The following MYH11 variants were observed in gnomAD, a reference collection of about 807,000 sequenced individuals.
The protein encoded by MYH11 is myosin heavy chain 11, also known as myosin-11.
A neutral mutation model predicts 246.6 loss-of-function variants in MYH11; 80 were observed. The ratio of observed to expected loss-of-function variants is 0.32; its 90% confidence interval spans 0.27 to 0.39. The LOEUF (loss-of-function observed/expected upper bound fraction) is 0.39. Among genes scored for constraint, MYH11 ranks in the 10% least tolerant of loss-of-function variants. The pLI is 1.00. For missense variants in MYH11, 2,158 were observed against 2,546.8 expected (o/e 0.85, Z 3.29); for synonymous variants, 1,071 against 1,015.5 (o/e 1.05, Z -1.04).
intron 40 of MYH11, among the ~76,000 whole-genome samples, chr16:15,706,310 C>G (rs2039451491): frequency 6.6e-6 from 1 of 152,136 alleles, no homozygotes; most frequent in South Asian, 2.1e-4. Flanking sequence ...GCGCTTGACT[C>G]AGAAGGATGC....
intron 9 of MYH11, among the ~76,000 whole-genome samples, chr16:15,765,695 C>A (rs1267610627): frequency 6.6e-6 from 1 of 152,168 alleles, no homozygotes; most frequent in Middle Eastern, 3.2e-3. Context: ...CCTGGCCCAG[C>A]TCAGCAAAAG....
intron 17 of MYH11, 25 bp from the exon 18 acceptor site, chr16:15,747,968 C>T (rs766824341): frequency 6.2e-7 from 1 of 1,614,148 alleles, no homozygotes; most frequent in Non-Finnish European, 8.5e-7. Context: ...CAGAAGTCAC[C>T]CCGGGTACCT....
rs532859283 is a variant in MYH11 at position 15,793,869 on chromosome 16, C to T, written c.530+4791G>A. Among the ~76,000 whole-genome samples the T allele has an allele frequency of 1.4e-4, 21 of 147,626 alleles. No individual in the cohort carries two copies. The East Asian group carries it at 1.6e-3, about 11-fold the overall frequency. On this transcript the variant is annotated intron_variant, in intron 4 of 40. Coordinates refer to ENST00000300036, the MANE Select transcript of MYH11 (RefSeq NM_002474.3). ...CGAACTCCTGACCTCGTGATCCACC[C>T]GCCTCGGCCTCCCAAAGTGCTGGGA...
chr16:15,751,158 T>C (rs4781684), intron 15 of MYH11, among the ~76,000 whole-genome samples: 53,209 of 143,758 alleles, frequency 0.37, 9,893 homozygotes, highest in East Asian at 0.57. Context: ...TTATTATTAT[T>C]ATCATTATTT....
intron 27 of MYH11, among the ~76,000 whole-genome samples, chr16:15,730,228 TC>T (rs2040919410): frequency 6.6e-6 from 1 of 151,868 alleles, no homozygotes; most frequent in African/African-American, 2.4e-5. Context: ...AAACCTCTCT[TC>T]TTTAGAAATT....
At chr16:15,840,317 G>C (rs1207158298) in intron 1 of MYH11, among the ~76,000 whole-genome samples, 1 of 152,172 alleles carries the variant, frequency 6.6e-6, no homozygotes, top group Non-Finnish European at 1.5e-5. Context: ...CCAACACAAA[G>C]AGATGATAAA....
rs1486891893 is a variant in MYH11 at position 15,750,322 on chromosome 16, A to T, written c.1874T>A (p.Ile625Asn). 6.2e-7 allele frequency: 1 copy of T among 1,603,488 alleles called. No individual in the cohort carries two copies. Among genetic ancestry groups the T allele is most frequent in the Non-Finnish European group, 8.5e-7 (1 of 1,175,932 alleles). The change falls in exon 16 of 41, where the codon ATC (isoleucine) becomes AAC (asparagine). Residue 625 changes from isoleucine (I) to asparagine (N), a missense_variant. Ile to Asn is a moderately radical substitution (Grantham distance 149). Coordinates refer to ENST00000300036, the MANE Select transcript of MYH11 (RefSeq NM_002474.3). This position sits in a 1 kb window ranked among gnomAD's most constrained non-coding sequence, Gnocchi z 4.3. ...CTTGGCCATCTGGTCCAGGCCCACGATGCGGTCCACTATGGGGCACAGCCA... is the reference window on the plus strand; with the variant it reads ...CTTGGCCATCTGGTCCAGGCCCACGTTGCGGTCCACTATGGGGCACAGCCA... ...VADLWKDVDR[I>N]VGLDQMAKMT...
intron 2 of MYH11, among the ~76,000 whole-genome samples, chr16:15,832,468 G>A (rs957232617): frequency 6.6e-6 from 1 of 152,170 alleles, no homozygotes; most frequent in Non-Finnish European, 1.5e-5. Context: ...GGAGTGGTGA[G>A]GTCTGCGGAA....
intron 10 of MYH11, 37 bp downstream of exon 10, chr16:15,763,759 C>CCCCCACAA: frequency 1.7e-6 from 2 of 1,151,256 alleles, no homozygotes; most frequent in Non-Finnish European, 2.6e-6. Flanking sequence ...CCCCCCAACC[C>CCCCCACAA]CAAAGTCATT....
chr16:15,719,268 A>T lies in MYH11; in HGVS notation c.5123T>A (p.Leu1708His), dbSNP rs2040337321. Residue 1708 changes from leucine (L) to histidine (H), a missense_variant, in exon 36 of 41, where the codon CTC (leucine) becomes CAC (histidine). Physicochemically the swap from Leu to His is moderately conservative, Grantham distance 99. Coordinates refer to ENST00000300036, the MANE Select transcript of MYH11 (RefSeq NM_002474.3). ...AAERARKQAD[L>H]EKEELAEELA... Reference sequence around the variant, plus strand: ...CTCCTCTGCCAGTTCCTCCTTCTCGAGGTCCGCTTGTTTGCGAGCCCTCTC... The same window carrying T: ...CTCCTCTGCCAGTTCCTCCTTCTCGTGGTCCGCTTGTTTGCGAGCCCTCTC... 2 of 1,613,178 alleles carry T rather than the reference A, an allele frequency of 1.2e-6. No homozygotes were observed. Among genetic ancestry groups the T allele is most frequent in the South Asian group, 1.1e-5 (1 of 91,078 alleles).
intron 28 of MYH11, chr16:15,725,641 GC>G: frequency 2.5e-6 from 1 of 400,116 alleles, no homozygotes. Flanking sequence ...TATGAGGGCG[GC>G]AAAAGCCCTG....
intron 3 of MYH11, among the ~76,000 whole-genome samples, chr16:15,801,210 A>G (rs1309331060): frequency 6.6e-6 from 1 of 152,196 alleles, no homozygotes; most frequent in African/African-American, 2.4e-5. Context: ...TGTTTCAAAA[A>G]CAAATAAGAT....
chr16:15,707,943 G>A (rs1450628352), intron 40 of MYH11, among the ~76,000 whole-genome samples: 1 of 134,394 alleles, frequency 7.4e-6, no homozygotes, highest in Non-Finnish European at 1.5e-5. Context: ...TTGCACTCCA[G>A]AGCGAGACTC....
chr16:15,727,022 C>T lies in MYH11; in HGVS notation c.3684G>A (p.Thr1228=), dbSNP rs370483512. The T allele has an allele frequency of 3.3e-5, 53 of 1,611,862 alleles. No homozygotes were observed. The highest frequency in any genetic ancestry group is 1.6e-4 in the Middle Eastern group (1 of 6,082). The change falls in exon 28 of 41, where the codon ACG becomes ACA. Residue 1228 remains threonine, a synonymous_variant. Coordinates refer to ENST00000300036, the MANE Select transcript of MYH11 (RefSeq NM_002474.3). ...AKANLDKNKQ[T]LEKENADLAG... is the part of the protein sequence containing the mutation. ...CCAGGTCTGCGTTCTCTTTCTCCAG[C>T]GTCTGCTTATTCTTGTCTAGGTTCG...
intron 9 of MYH11, among the ~76,000 whole-genome samples, chr16:15,767,895 G>A (rs556219664): frequency 2.0e-5 from 3 of 151,440 alleles, no homozygotes; most frequent in South Asian, 4.2e-4. Flanking sequence ...GCCTCCAGGA[G>A]GAACAACCCC....
At chr16:15,781,032 G>C (rs1161640618) in intron 6 of MYH11, among the ~76,000 whole-genome samples, 1 of 152,044 alleles carries the variant, frequency 6.6e-6, no homozygotes, top group Non-Finnish European at 1.5e-5. Context: ...TCTTCTGTTG[G>C]TGTGGCCTGG....
chr16:15,762,418 A>G (rs887061326), intron 10 of MYH11, among the ~76,000 whole-genome samples: 5 of 152,204 alleles, frequency 3.3e-5, no homozygotes, highest in Admixed American at 6.6e-5. Context: ...TGGAGGCTAC[A>G]AGAGTCTGAC....
rs1362105094 is a variant in MYH11, at chr16:15,714,751, C to G, written c.5786+158G>C. 3 of 954,482 alleles carry G rather than the reference C, an allele frequency of 3.1e-6. No homozygotes were observed. In the East Asian group the frequency reaches 7.2e-5, roughly 23 times the overall value. The allele number at this position is 954,482 out of a possible 1,614,324, so 59.1% of individuals were successfully genotyped here. A position where few individuals can be genotyped will look rare whatever the true frequency, so the allele number is the denominator to read the frequency against. On this transcript the variant is annotated intron_variant, in intron 40 of 40. Transcript: ENST00000300036. ...CCGGGTCTGATCTCAGTGCCTGGCC[C>G]ACACTAAGCTTAGTGATTAAGGAGA...
chr16:15,724,080 G>A, intron 31 of MYH11, 81 bp downstream of exon 31: 2 of 1,601,756 alleles, frequency 1.2e-6, no homozygotes, highest in Non-Finnish European at 8.5e-7. Context: ...GCACAGGCCA[G>A]AGCCACGCGT....
Sources: allele counts gnomAD v4.1 joint callset (sites outside exome capture counted in the v4.1 genomes callset), GRCh38; gene constraint gnomAD v4.1.1; non-coding constraint Gnocchi (gnomAD v3.1); transcripts MANE v1.5; gene names NCBI Gene and HGNC (gene_info 2026-07-23, HGNC 2026-07-21).